Variants in LRRC37B observed in about 807,000 individuals in gnomAD.
The protein encoded by LRRC37B is leucine rich repeat containing 37B.
Under a neutral mutation model 98.3 loss-of-function variants are expected in LRRC37B, and 28 were observed. That is an observed-to-expected ratio of 0.28 (90% CI 0.21 to 0.39). LRRC37B has a LOEUF of 0.39. LRRC37B is among the 10% of genes least tolerant of loss of function. LRRC37B has a pLI of 1.00. For synonymous variants in LRRC37B, 364 were observed against 442.7 expected, an observed-to-expected ratio of 0.82 and a Z score of 2.23; for missense variants, 938 against 1,182.7, an observed-to-expected ratio of 0.79 and a Z score of 3.03.
intron 7 of LRRC37B, among the ~76,000 whole-genome samples, chr17:32,039,534 T>A (rs1271869821): frequency 3.5e-4 from 37 of 106,888 alleles, no homozygotes; most frequent in Admixed American, 8.6e-4. Context: ...GTATGTATTT[T>A]TATATATATT....
chr17:32,043,738 C>T (rs1454856184), intron 7 of LRRC37B, among the ~76,000 whole-genome samples: 16 of 152,272 alleles, frequency 1.1e-4, no homozygotes, highest in South Asian at 4.1e-4. Flanking sequence ...GGCCAACTTA[C>T]TGGATACAGT....
exon 1 of LRRC37B, chr17:32,022,561 C>T: frequency 3.7e-6 from 6 of 1,613,984 alleles, no homozygotes; most frequent in Non-Finnish European, 5.1e-6. Flanking sequence ...AAGACTAGAG[C>T]TCCTCATCCA....
intron 11 of LRRC37B, 127 bp from the exon 15 acceptor site, chr17:32,053,139 A>G (rs1394162359): frequency 7.1e-6 from 5 of 708,316 alleles, no homozygotes; most frequent in Admixed American, 2.8e-5. Context: ...ACAGCATACA[A>G]TTCCTGTCTT....
At chr17:32,021,476 G>A (rs1411148680) in exon 1 of LRRC37B, 1 of 1,614,160 alleles carries the variant, frequency 6.2e-7, no homozygotes, top group Admixed American at 1.7e-5. Flanking sequence ...TGCCCCTGGG[G>A]CCAGAGCCGT....
intron 11 of LRRC37B, chr17:32,052,178 T>C (rs990321787): frequency 6.6e-6 from 1 of 152,014 alleles, no homozygotes; most frequent in African/African-American, 2.4e-5. Flanking sequence ...TTACACTCTT[T>C]CCTTCCTTTC....
intron 5 of LRRC37B, among the ~76,000 whole-genome samples, chr17:32,032,578 A>G (rs1911139693): frequency 1.3e-5 from 2 of 152,066 alleles, no homozygotes; most frequent in African/African-American, 4.8e-5. Flanking sequence ...AATACTTTCC[A>G]CCTTTCTTGT....
At chr17:32,009,403 G>A (rs1206711752) in intron 1 of LRRC37B, among the ~76,000 whole-genome samples, 1 of 151,598 alleles carries the variant, frequency 6.6e-6, no homozygotes, top group African/African-American at 2.4e-5. Context: ...AGCTGGGATT[G>A]CAAGTGTGCA....
At chr17:32,012,248 C>T (rs527507268) in intron 1 of LRRC37B, among the ~76,000 whole-genome samples, 12 of 152,276 alleles carry the variant, frequency 7.9e-5, no homozygotes, top group East Asian at 3.9e-4. Flanking sequence ...AAGTCTACAA[C>T]GATTGTTATG....
At chr17:32,007,800 A>G (rs1910443676), upstream of LRRC37B, 1 of 1,185,388 alleles carries the variant, frequency 8.4e-7, no homozygotes, top group Non-Finnish European at 1.0e-6. This position sits in a 1 kb window ranked among gnomAD's most constrained non-coding sequence, Gnocchi z 4.1. Flanking sequence ...GAGCTCGCCC[A>G]GGGTGGGCAG....
intron 7 of LRRC37B, among the ~76,000 whole-genome samples, chr17:32,037,280 C>A (rs545276381): frequency 1.2e-3 from 187 of 151,794 alleles, no homozygotes; most frequent in African/African-American, 4.3e-3. Context: ...CATGTCCAGC[C>A]CAGCAGATAT....
chr17:32,022,155 A>G (rs749604541), exon 1 of LRRC37B: 3 of 1,613,772 alleles, frequency 1.9e-6, no homozygotes, highest in Non-Finnish European at 2.5e-6. Flanking sequence ...AGCTCATTAT[A>G]ATTTGCCCAA....
At chr17:32,033,520 C>T (rs1050232414) in intron 5 of LRRC37B, among the ~76,000 whole-genome samples, 4 of 152,140 alleles carry the variant, frequency 2.6e-5, no homozygotes, top group African/African-American at 9.7e-5. Context: ...GCTTGGTGAC[C>T]TAGGACAAGT....
Position 32,021,743 on chromosome 17 carries a change from T to C in LRRC37B, c.678T>C (p.Arg226=), listed in dbSNP as rs762052324. ...ACCTGAAGAAAGATCTAGCTGAACG[T>C]TGGAGCCTTCCTGAGATTGTTGGGA... Residue 226 remains arginine, a synonymous_variant, in exon 1 of 12, where the codon CGT becomes CGC. Coordinates refer to ENST00000327564, the Ensembl canonical transcript of LRRC37B. The C allele has an allele frequency of 2.5e-6, 4 of 1,614,232 alleles. No homozygotes were observed. In the South Asian group the frequency reaches 3.3e-5, roughly 13 times the overall value.
chr17:32,043,420 G>T (rs1439102938), intron 7 of LRRC37B, among the ~76,000 whole-genome samples: 1 of 152,032 alleles, frequency 6.6e-6, no homozygotes, highest in East Asian at 1.9e-4. Context: ...AATGAGCCAG[G>T]TGTGGTGGCA....
chr17:32,020,313 G>A (rs757075620), upstream of LRRC37B, among the ~76,000 whole-genome samples: 1 of 152,204 alleles, frequency 6.6e-6, no homozygotes, highest in Non-Finnish European at 1.5e-5. Context: ...CGCATTTCAG[G>A]AAATGATTTA....
intron 1 of LRRC37B, among the ~76,000 whole-genome samples, chr17:32,008,932 C>G (rs750254500): frequency 6.6e-6 from 1 of 152,164 alleles, no homozygotes; most frequent in African/African-American, 2.4e-5. Flanking sequence ...TTTGTATGAA[C>G]GCAGACTTGT....
chr17:32,032,702 G>T (rs571785701), intron 5 of LRRC37B, among the ~76,000 whole-genome samples: 1 of 152,132 alleles, frequency 6.6e-6, no homozygotes, highest in Non-Finnish European at 1.5e-5. Context: ...TCATTAATTT[G>T]CTGATGCTTA....
chr17:32,025,777 G>C (rs1312874761), intron 2 of LRRC37B, among the ~76,000 whole-genome samples: 1 of 152,358 alleles, frequency 6.6e-6, no homozygotes, highest in African/African-American at 2.4e-5. Context: ...AAATGGAAGA[G>C]TTGGGGTGAA....
intron 3 of LRRC37B, among the ~76,000 whole-genome samples, chr17:32,030,424 A>C (rs2142248024): frequency 6.6e-6 from 1 of 151,376 alleles, no homozygotes; most frequent in Middle Eastern, 3.4e-3. Flanking sequence ...CTCAGGAAAA[A>C]TTAATTCCAA....
Sources: gnomAD v4.1 joint callset for allele counts (sites outside exome capture counted in the v4.1 genomes callset) on GRCh38, gnomAD v4.1.1 for gene constraint, Gnocchi (gnomAD v3.1) non-coding constraint, MANE v1.5 for transcripts, NCBI Gene and HGNC (gene_info 2026-07-23, HGNC 2026-07-21) for gene names.